Variants in ASTN2 observed in about 807,000 individuals in gnomAD.
ASTN2 encodes the protein astrotactin 2, also known as astrotactin-2.
ASTN2 carries 54 observed loss-of-function variants against 139.8 expected under a neutral mutation model. That is an observed-to-expected ratio of 0.39 (90% CI 0.31 to 0.48). The LOEUF is 0.48. ASTN2 is among the 20% of genes least tolerant of loss of function. The probability of loss-of-function intolerance (pLI) is 0.95; values close to 1 mark genes in which losing one functional copy is unlikely to be tolerated. For synonymous variants in ASTN2, 756 were observed against 719.5 expected, an observed-to-expected ratio of 1.05 and a Z score of -0.81; for missense variants, 1,565 against 1,725.1, an observed-to-expected ratio of 0.91 and a Z score of 1.64.
intron 1 of ASTN2, among the ~76,000 whole-genome samples, chr9:117,307,668 C>T (rs1388141324): frequency 1.3e-5 from 2 of 152,180 alleles, no homozygotes; most frequent in Non-Finnish European, 2.9e-5. Context: ...ACATGGCCAC[C>T]TTCATGGGCA....
chr9:117,375,727 A>G (rs1830105440), intron 1 of ASTN2, among the ~76,000 whole-genome samples: 2 of 152,210 alleles, frequency 1.3e-5, no homozygotes, highest in Admixed American at 6.5e-5. Context: ...TGCTGTAACG[A>G]ATGACCACAA....
intron 3 of ASTN2, among the ~76,000 whole-genome samples, chr9:117,151,505 G>A (rs1365995648): frequency 6.6e-6 from 1 of 152,170 alleles, no homozygotes. Context: ...TTTAGTGGAA[G>A]AGGGAGGTAA....
chr9:116,744,641 TG>T (rs1245417955), intron 13 of ASTN2, among the ~76,000 whole-genome samples: 1 of 152,102 alleles, frequency 6.6e-6, no homozygotes, highest in Non-Finnish European at 1.5e-5. Flanking sequence ...AGAAGAGTCA[TG>T]GGATATATTG....
chr9:117,160,110 T>C (rs1324356659), intron 3 of ASTN2, among the ~76,000 whole-genome samples: 3 of 152,030 alleles, frequency 2.0e-5, no homozygotes, highest in Non-Finnish European at 4.4e-5. Flanking sequence ...GTAAGCCAGA[T>C]GGCCAAGCTC....
chr9:116,732,214 G>A (rs946142966), intron 14 of ASTN2, among the ~76,000 whole-genome samples: 3 of 152,144 alleles, frequency 2.0e-5, no homozygotes, highest in East Asian at 1.9e-4. Flanking sequence ...GACTAGCCAC[G>A]TGGCCTTGGA....
At chr9:116,859,125 C>A (rs1035827017) in intron 11 of ASTN2, among the ~76,000 whole-genome samples, 2 of 152,338 alleles carry the variant, frequency 1.3e-5, no homozygotes, top group South Asian at 2.1e-4. Context: ...CTCTACCCCA[C>A]TCCTCTGCTT....
chr9:116,677,245 C>A (rs369424315), intron 16 of ASTN2, among the ~76,000 whole-genome samples: 2 of 151,992 alleles, frequency 1.3e-5, no homozygotes, highest in South Asian at 4.2e-4. Flanking sequence ...ATGAGAGGCA[C>A]TAAGATAACT....
chr9:116,549,364 C>T (rs571144150), intron 19 of ASTN2, among the ~76,000 whole-genome samples: 5 of 152,246 alleles, frequency 3.3e-5, no homozygotes, highest in East Asian at 1.9e-4. Context: ...AACTGAGGCA[C>T]GAGCAACTCG....
chr9:117,244,593 GGGAGGGAGGGAGGA>G (rs1833317633), intron 2 of ASTN2, among the ~76,000 whole-genome samples: 1 of 109,126 alleles, frequency 9.2e-6, no homozygotes, highest in Non-Finnish European at 2.0e-5. Context: ...GAGGGAGGGA[GGGAGGGAGGGAGGA>G]GAGGGAGGGA....
chr9:116,855,909 G>T (rs1832726803), intron 11 of ASTN2, among the ~76,000 whole-genome samples: 1 of 152,136 alleles, frequency 6.6e-6, no homozygotes. Flanking sequence ...TACTAGGCCT[G>T]ATATTATTTA....
intron 17 of ASTN2, among the ~76,000 whole-genome samples, chr9:116,643,966 T>G (rs1857466083): frequency 6.6e-6 from 1 of 152,208 alleles, no homozygotes; most frequent in Non-Finnish European, 1.5e-5. Flanking sequence ...AGTCTGTGTC[T>G]TGTTCCTCTC....
chr9:117,130,556 C>CG (rs899064221), intron 4 of ASTN2, among the ~76,000 whole-genome samples: 3 of 152,070 alleles, frequency 2.0e-5, no homozygotes, highest in Non-Finnish European at 2.9e-5. Context: ...TCCTTAAGCC[C>CG]GGGGGGCTTC....
chr9:116,919,760 A>G (rs1320616383), intron 10 of ASTN2, among the ~76,000 whole-genome samples: 1 of 149,330 alleles, frequency 6.7e-6, no homozygotes, highest in East Asian at 2.0e-4. Flanking sequence ...CCTGGGCTAC[A>G]TGGCAAAACC....
At chr9:117,400,406 G>C (rs189322126) in intron 1 of ASTN2, among the ~76,000 whole-genome samples, 1 of 152,138 alleles carries the variant, frequency 6.6e-6, no homozygotes, top group Non-Finnish European at 1.5e-5. Context: ...GTGAGTGGGG[G>C]CGATTCCCTA....
Position 117,041,939 on chromosome 9 carries a change from C to T in ASTN2, c.1277-1974G>A, listed in dbSNP as rs191746172. Among the ~76,000 whole-genome samples the T allele has an allele frequency of 2.0e-3, 311 of 152,034 alleles. 4 individuals are homozygous for T. The highest frequency in any genetic ancestry group is 7.1e-3 in the African/African-American group (296 of 41,452). Reference sequence around the variant, plus strand: ...AAACTACCCATATTCATTGTGTTTCCCCTCATACCTTATTCCAAACACTAG... The same window carrying T: ...AAACTACCCATATTCATTGTGTTTCTCCTCATACCTTATTCCAAACACTAG... On this transcript the variant is annotated intron_variant, in intron 5 of 22. Transcript: ENST00000313400.
intron 19 of ASTN2, among the ~76,000 whole-genome samples, chr9:116,599,579 G>C (rs1248108603): frequency 6.6e-6 from 1 of 152,146 alleles, no homozygotes; most frequent in Non-Finnish European, 1.5e-5. Flanking sequence ...AATGTGTTTT[G>C]AGAAACACTG....
intron 1 of ASTN2, among the ~76,000 whole-genome samples, chr9:117,293,279 CCTTAA>C (rs1834640481): frequency 6.6e-6 from 1 of 152,136 alleles, no homozygotes; most frequent in South Asian, 2.1e-4. Context: ...TGCAAGGACT[CCTTAA>C]CTTGACTCTC....
At position 116,635,351 on chromosome 9, in the gene ASTN2, G is replaced by A. The variant is rs10983285; in HGVS notation, c.3073-14908C>T. Among the ~76,000 whole-genome samples, 2,912 of 152,142 alleles carry A rather than the reference G, an allele frequency of 0.019. 394 individuals are homozygous for A. In the South Asian group the frequency reaches 0.3, roughly 15 times the overall value. Reference sequence around the variant, plus strand: ...AAATTTAAATGTAAATCTGGTTGACGGTTAAAACCATGGTTCTCTCTATGA... The same window carrying A: ...AAATTTAAATGTAAATCTGGTTGACAGTTAAAACCATGGTTCTCTCTATGA... On this transcript the variant is annotated intron_variant, in intron 17 of 22. Transcript: ENST00000313400.
intron 16 of ASTN2, among the ~76,000 whole-genome samples, chr9:116,704,205 A>T (rs1347055904): frequency 6.6e-6 from 1 of 152,090 alleles, no homozygotes; most frequent in East Asian, 1.9e-4. Flanking sequence ...GGGTGTTGGT[A>T]TGTCACCAAA....
Sources: gnomAD v4.1 joint callset for allele counts (sites outside exome capture counted in the v4.1 genomes callset) on GRCh38, gnomAD v4.1.1 for gene constraint, MANE v1.5 for transcripts, NCBI Gene and HGNC (gene_info 2026-07-23, HGNC 2026-07-21) for gene names.